MAMLD1: variants seen among roughly 807,000 people sequenced by gnomAD.
The protein encoded by MAMLD1 is mastermind like domain containing 1.
A neutral mutation model predicts 45.0 loss-of-function variants in MAMLD1; 14 were observed. The observed-to-expected ratio is 0.31, with a 90% CI of 0.21 to 0.49. The LOEUF (loss-of-function observed/expected upper bound fraction) is 0.49. Among genes scored for constraint, MAMLD1 ranks in the 20% least tolerant of loss-of-function variants. The probability of loss-of-function intolerance (pLI) is 0.99; values close to 1 mark genes in which losing one functional copy is unlikely to be tolerated. For missense variants in MAMLD1, 543 were observed against 603.6 expected, an observed-to-expected ratio of 0.90 and a Z score of 1.05; for synonymous variants, 254 against 247.8, an observed-to-expected ratio of 1.02 and a Z score of -0.24.
intron 5 of MAMLD1, among the ~76,000 whole-genome samples, chrX:150,476,055 G>C (rs1193771142): frequency 9.0e-6 from 1 of 111,710 alleles, no homozygotes; most frequent in South Asian, 3.7e-4. Flanking sequence ...ATAAAATTTG[G>C]CACCAAATTT....
intron 1 of MAMLD1, among the ~76,000 whole-genome samples, chrX:150,400,439 T>C (rs1557402389): frequency 8.9e-6 from 1 of 111,836 alleles, no homozygotes; most frequent in African/African-American, 3.3e-5. Context: ...CCTAATTGAA[T>C]ACCCTTTATT....
Position 150,363,426 on chromosome X carries a change from A to C in MAMLD1, c.-168A>C, listed in dbSNP as rs1194142276. On this transcript the variant is annotated 5_prime_UTR_variant, in exon 1 of 8. Transcript: ENST00000370401. ...GGCCGCTAGCCAGGGGGTGATCTGCAACAGGGCTGGGTTCCTTGGCGGCCG... is the reference window on the plus strand; with the variant it reads ...GGCCGCTAGCCAGGGGGTGATCTGCCACAGGGCTGGGTTCCTTGGCGGCCG... 1 of 99,701 alleles carries C rather than the reference A, an allele frequency of 1.0e-5. No homozygotes were observed. Among genetic ancestry groups the C allele is most frequent in the African/African-American group, 3.4e-5 (1 of 29,121 alleles). The allele number at this position is 99,701 out of a possible 1,213,427, so 8.2% of individuals were successfully genotyped here. A position where few individuals can be genotyped will look rare whatever the true frequency, so the allele number is the denominator to read the frequency against.
At chrX:150,380,260 AT>A (rs1811395006) in intron 1 of MAMLD1, among the ~76,000 whole-genome samples, 1 of 111,450 alleles carries the variant, frequency 9.0e-6, no homozygotes, top group Admixed American at 9.5e-5. Context: ...TTTAATTAGC[AT>A]TTTTCTAATT....
At chrX:150,494,002 A>G (rs1315407355) in intron 5 of MAMLD1, among the ~76,000 whole-genome samples, 1 of 112,047 alleles carries the variant, frequency 8.9e-6, no homozygotes, top group African/African-American at 3.2e-5. Context: ...TATGTTTCAC[A>G]TTACTGGTAT....
intron 1 of MAMLD1, among the ~76,000 whole-genome samples, chrX:150,381,501 T>C (rs2032606403): frequency 8.9e-6 from 1 of 112,585 alleles, no homozygotes; most frequent in Admixed American, 9.4e-5. Context: ...TGTGTTGCTG[T>C]TTTATACCAA....
intron 1 of MAMLD1, among the ~76,000 whole-genome samples, chrX:150,437,253 T>A (rs1437024891): frequency 9.0e-6 from 1 of 111,391 alleles, no homozygotes; most frequent in Admixed American, 9.6e-5. Context: ...TTGGTTGGGG[T>A]GGGTGCCGGT....
At chrX:150,450,814 A>G (rs1273580650) in intron 2 of MAMLD1, among the ~76,000 whole-genome samples, 2 of 112,355 alleles carry the variant, frequency 1.8e-5, no homozygotes, top group Non-Finnish European at 3.8e-5. Flanking sequence ...GGAGACCTGA[A>G]TCTGTAATGT....
At chrX:150,413,821 TAGG>T (rs2034181300) in intron 1 of MAMLD1, among the ~76,000 whole-genome samples, 1 of 109,739 alleles carries the variant, frequency 9.1e-6, no homozygotes, top group African/African-American at 3.3e-5. Context: ...CTTCATAGAA[TAGG>T]AGAATGATCT....
intron 6 of MAMLD1, among the ~76,000 whole-genome samples, chrX:150,506,047 A>G (rs782319635): frequency 8.9e-6 from 1 of 112,535 alleles, no homozygotes; most frequent in East Asian, 2.8e-4. Context: ...AGGGAAAGTC[A>G]GAAGGGTGAA....
At chrX:150,414,028 CAAAAAAAA>C (rs56866886) in intron 1 of MAMLD1, among the ~76,000 whole-genome samples, 5 of 31,333 alleles carry the variant, frequency 1.6e-4, no homozygotes, top group South Asian at 8.5e-3. Flanking sequence ...CAGAAAACTG[CAAAAAAAA>C]AAAAAAAAAA....
At chrX:150,489,440 C>G (rs995428536) in intron 5 of MAMLD1, among the ~76,000 whole-genome samples, 1 of 109,715 alleles carries the variant, frequency 9.1e-6, no homozygotes, top group Non-Finnish European at 1.9e-5. Flanking sequence ...CAGGAGAGCT[C>G]CACCCCATCA....
chrX:150,400,132 G>C (rs1485745217), intron 1 of MAMLD1, among the ~76,000 whole-genome samples: 2 of 111,867 alleles, frequency 1.8e-5, no homozygotes, highest in Non-Finnish European at 3.8e-5. Context: ...AGACTGGAAG[G>C]GTTCAGCACT....
At chrX:150,411,057 A>G (rs1393489858) in intron 1 of MAMLD1, among the ~76,000 whole-genome samples, 1 of 109,964 alleles carries the variant, frequency 9.1e-6, no homozygotes, top group African/African-American at 3.4e-5. Context: ...TTCTTCTTCC[A>G]CTGTGGCCCA....
chrX:150,468,834 A>T (rs781884214), intron 3 of MAMLD1, among the ~76,000 whole-genome samples: 1 of 111,362 alleles, frequency 9.0e-6, no homozygotes, highest in Admixed American at 9.6e-5. Context: ...TTTTTGGATT[A>T]TGAGTCGTTC....
intron 5 of MAMLD1, among the ~76,000 whole-genome samples, chrX:150,491,463 GCCT>G (rs1569565014): frequency 8.9e-6 from 1 of 112,209 alleles, no homozygotes; most frequent in African/African-American, 3.2e-5. Context: ...TGGAAGAATA[GCCT>G]CCTCTCCTGT....
intron 1 of MAMLD1, among the ~76,000 whole-genome samples, chrX:150,413,199 G>A (rs915552305): frequency 9.0e-6 from 1 of 111,674 alleles, no homozygotes; most frequent in Non-Finnish European, 1.9e-5. Context: ...CATGGATCTT[G>A]AGAGATCATC....
chrX:150,395,204 C>G (rs1444850664), intron 1 of MAMLD1, among the ~76,000 whole-genome samples: 1 of 111,643 alleles, frequency 9.0e-6, no homozygotes, highest in Non-Finnish European at 1.9e-5. Flanking sequence ...GATTTTTCCT[C>G]TATAGCCTGC....
chrX:150,410,046 C>G (rs2034088623), intron 1 of MAMLD1, among the ~76,000 whole-genome samples: 1 of 111,739 alleles, frequency 8.9e-6, no homozygotes, highest in African/African-American at 3.3e-5. Context: ...TCCTTGATCT[C>G]TTGTTTGTTC....
intron 2 of MAMLD1, among the ~76,000 whole-genome samples, chrX:150,458,482 C>T (rs186608993): frequency 2.7e-5 from 3 of 111,576 alleles, no homozygotes; most frequent in East Asian, 2.8e-4. Flanking sequence ...TTCTAAGACC[C>T]GGTACCTAAT....
Sources: gnomAD v4.1 joint callset for allele counts (sites outside exome capture counted in the v4.1 genomes callset) on GRCh38, gnomAD v4.1.1 for gene constraint, MANE v1.5 for transcripts, NCBI Gene and HGNC (gene_info 2026-07-23, HGNC 2026-07-21) for gene names.